UTY: variants seen among roughly 807,000 people sequenced by gnomAD.
The protein encoded by UTY is histone demethylase UTY.
UTY carries 12 observed loss-of-function variants against 32.5 expected under a neutral mutation model. That is an observed-to-expected ratio of 0.37 (90% confidence interval 0.24 to 0.60). The LOEUF (loss-of-function observed/expected upper bound fraction) is 0.60, where lower values mean the gene tolerates loss of function less well. UTY is among the 20% of genes least tolerant of loss of function. The pLI is 0.69. For synonymous variants in UTY, 131 were observed against 103.4 expected (o/e 1.27, Z -1.62); for missense variants, 303 against 299.2 (o/e 1.01, Z -0.09).
intron 8 of UTY, among the ~76,000 whole-genome samples, chrY:13,392,638 G>C (rs2067695641): frequency 3.0e-5 from 1 of 33,317 alleles, no homozygotes; most frequent in Non-Finnish European, 7.4e-5. Flanking sequence ...CATGAAGCTT[G>C]TCACAGATGA....
At chrY:13,267,025 T>C in intron 27 of UTY, among the ~76,000 whole-genome samples, 8 of 32,887 alleles carry the variant, frequency 2.4e-4, no homozygotes, top group African/African-American at 4.8e-4. Flanking sequence ...TTAGGTCTGC[T>C]TGGTCCAGAG....
chrY:13,297,088 G>A (rs1603337161), intron 27 of UTY, among the ~76,000 whole-genome samples: 2 of 33,813 alleles, frequency 5.9e-5, no homozygotes, highest in East Asian at 1.5e-3. Flanking sequence ...AATGCCCAAG[G>A]CAGGGTAATA....
At chrY:13,478,468 CTCTTTACGG>C (rs2079322243) in intron 2 of UTY, among the ~76,000 whole-genome samples, 1 of 33,087 alleles carries the variant, frequency 3.0e-5, no homozygotes. Flanking sequence ...TACGTCAGCG[CTCTTTACGG>C]TCTATTCCTT....
intron 8 of UTY, among the ~76,000 whole-genome samples, chrY:13,376,712 A>C (rs375677229): frequency 6.0e-5 from 2 of 33,577 alleles, no homozygotes; most frequent in East Asian, 1.6e-3. Context: ...CTGAAAATAC[A>C]AACAGTAGAG....
intron 2 of UTY, among the ~76,000 whole-genome samples, chrY:13,475,629 T>A (rs2032657): frequency 8.4e-4 from 29 of 34,366 alleles, no homozygotes; most frequent in South Asian, 1.9e-3. Flanking sequence ...TTTTGCCACC[T>A]GAGTCACAGA....
intron 9 of UTY, 92 bp downstream of exon 9, chrY:13,369,164 A>G: frequency 7.9e-6 from 1 of 126,976 alleles, no homozygotes; most frequent in Admixed American, 1.6e-4. Flanking sequence ...CTTCTAAATG[A>G]AAACAAATGT....
intron 4 of UTY, among the ~76,000 whole-genome samples, chrY:13,431,461 A>C: frequency 3.0e-5 from 1 of 32,943 alleles, no homozygotes; most frequent in African/African-American, 1.2e-4. Flanking sequence ...TGCACACACA[A>C]ATTTCCCTGA....
At chrY:13,261,344 G>A in intron 27 of UTY, among the ~76,000 whole-genome samples, 2 of 32,828 alleles carry the variant, frequency 6.1e-5, no homozygotes, top group African/African-American at 2.4e-4. Context: ...ATATTTGGGG[G>A]GAAAATGATC....
intron 6 of UTY, among the ~76,000 whole-genome samples, chrY:13,409,845 TTC>T (rs2070656304): frequency 3.0e-5 from 1 of 33,568 alleles, no homozygotes; most frequent in East Asian, 7.9e-4. Context: ...AGTCACTGAG[TTC>T]CTCTGGTGGA....
chrY:13,458,333 C>T (rs13305538), intron 3 of UTY, among the ~76,000 whole-genome samples: 1 of 32,236 alleles, frequency 3.1e-5, no homozygotes, highest in Non-Finnish European at 7.6e-5. Flanking sequence ...CCTGAGGAAT[C>T]GCCACACTGA....
In UTY at chrY:13,435,700, G is replaced by A. The variant is rs1603461960; in HGVS notation, c.375+13317C>T. Among the ~76,000 whole-genome samples, 4 of 33,633 alleles carry A rather than the reference G, an allele frequency of 1.2e-4. No individual in the cohort carries two copies. The East Asian group carries it at 3.1e-3, about 26-fold the overall frequency. 90.2% of individuals were successfully genotyped at this position (33,633 alleles called of 37,273 possible). A position where few individuals can be genotyped will look rare whatever the true frequency, so the allele number is the denominator to read the frequency against. On this transcript the variant is annotated intron_variant, in intron 4 of 29. Coordinates refer to ENST00000545955, the MANE Select transcript of UTY (RefSeq NM_001258249.2). ...TTGGAGAGTTCGACAAGAGGAGAGA[G>A]AGGACAAGCTACTGTCTCCTTTGAC...
intron 10 of UTY, among the ~76,000 whole-genome samples, chrY:13,365,652 T>C: frequency 3.1e-5 from 1 of 32,160 alleles, no homozygotes; most frequent in East Asian, 7.7e-4. Context: ...AAAATGTAAT[T>C]ATATCTTAAT....
intron 5 of UTY, 95 bp downstream of exon 5, chrY:13,414,640 G>A: frequency 4.4e-6 from 1 of 229,461 alleles, no homozygotes; most frequent in Admixed American, 1.1e-4. Flanking sequence ...AACTTGATTA[G>A]AAACTGCAGT....
At chrY:13,440,160 T>C in intron 4 of UTY, among the ~76,000 whole-genome samples, 2 of 33,227 alleles carry the variant, frequency 6.0e-5, no homozygotes, top group African/African-American at 2.4e-4. Context: ...CGCCAAGCCC[T>C]GCTGTAGTCA....
At chrY:13,299,607 A>G in intron 25 of UTY, among the ~76,000 whole-genome samples, 3 of 32,342 alleles carry the variant, frequency 9.3e-5, no homozygotes, top group African/African-American at 3.7e-4. Context: ...TCTACCACAA[A>G]CAAAACAAAA....
At chrY:13,424,270 G>C (rs2072955176) in intron 4 of UTY, among the ~76,000 whole-genome samples, 1 of 32,895 alleles carries the variant, frequency 3.0e-5, no homozygotes, top group Non-Finnish European at 7.5e-5. Flanking sequence ...ACTGGGCATG[G>C]AGGGGCACGT....
chrY:13,312,217 C>T (rs2059155775), intron 21 of UTY, among the ~76,000 whole-genome samples: 1 of 31,100 alleles, frequency 3.2e-5, no homozygotes, highest in Non-Finnish European at 7.8e-5. Context: ...ACAGTGAAAC[C>T]CCGTCTCTAC....
intron 9 of UTY, among the ~76,000 whole-genome samples, chrY:13,367,616 A>G (rs2064327676): frequency 3.0e-5 from 1 of 33,489 alleles, no homozygotes; most frequent in East Asian, 7.6e-4. Context: ...AAAAAAATTT[A>G]TATTACCACC....
At position 13,355,033 on chromosome Y, in the gene UTY, T is replaced by C; in HGVS notation, c.2031A>G (p.Pro677=). The stretch of plus-strand genomic sequence containing the variant: ...CGGAGTTAGATAGCTGTTTTCTCCA[T>C]GGCTCTTCTGTGCTGCTGTTCAGGT... The part of the protein sequence containing the change: ...HTDLNSSTEE[P]WRKQLSNSAQ... Residue 677 remains proline, a synonymous_variant, in exon 17 of 30, where the codon CCA becomes CCG. Coordinates refer to ENST00000545955, the MANE Select transcript of UTY (RefSeq NM_001258249.2). 1 of 399,084 alleles carries C rather than the reference T, an allele frequency of 2.5e-6. No individual in the cohort carries two copies.
Sources: allele counts gnomAD v4.1 joint callset (sites outside exome capture counted in the v4.1 genomes callset), GRCh38; gene constraint gnomAD v4.1.1; transcripts MANE v1.5; gene names NCBI Gene and HGNC (gene_info 2026-07-23, HGNC 2026-07-21).